Variants in IGF2BP3 observed in about 807,000 individuals in gnomAD.
IGF2BP3 encodes the protein insulin like growth factor 2 mRNA binding protein 3.
Under a neutral mutation model 73.8 loss-of-function variants are expected in IGF2BP3, and 9 were observed. The ratio of observed to expected loss-of-function variants is 0.12; its 90% CI spans 0.07 to 0.21. IGF2BP3 has a LOEUF of 0.21. Ranked by LOEUF, IGF2BP3 falls within the 10% of genes least tolerant of loss-of-function variation. The probability of loss-of-function intolerance (pLI) is 1.00; values close to 1 mark genes in which losing one functional copy is unlikely to be tolerated. For synonymous variants in IGF2BP3, 258 were observed against 256.7 expected (o/e 1.01, Z -0.05); for missense variants, 542 against 714.0 (o/e 0.76, Z 2.75).
intron 2 of IGF2BP3, among the ~76,000 whole-genome samples, chr7:23,450,444 A>C (rs1464381065): frequency 6.6e-6 from 1 of 152,234 alleles, no homozygotes; most frequent in Admixed American, 6.5e-5. Flanking sequence ...ATCTGTTGCC[A>C]AATGACTAAA....
intron 2 of IGF2BP3, among the ~76,000 whole-genome samples, chr7:23,437,281 A>G (rs1787828382): frequency 6.6e-6 from 1 of 152,074 alleles, no homozygotes; most frequent in African/African-American, 2.4e-5. Flanking sequence ...CAGCAGTTCA[A>G]GACCAGTCTG....
In IGF2BP3 at chr7:23,364,448, C is replaced by G. The variant is rs574859518; in HGVS notation, c.286-2707G>C. 1.5e-4 allele frequency among the ~76,000 whole-genome samples: 23 copies of G among 148,756 alleles called. No individual in the cohort carries two copies. The East Asian group carries it at 2.0e-3, about 13-fold the overall frequency. ...CTGTAATACCAGCTACTTGGGAGGC[C>G]GAGGCAAGAGAATTACTTGAACCTG... On this transcript the variant is annotated intron_variant, in intron 3 of 14. Coordinates refer to ENST00000258729, the MANE Select transcript of IGF2BP3 (RefSeq NM_006547.3).
intron 3 of IGF2BP3, among the ~76,000 whole-genome samples, chr7:23,385,782 A>G (rs1786064452): frequency 6.6e-6 from 1 of 152,008 alleles, no homozygotes; most frequent in Non-Finnish European, 1.5e-5. Context: ...CATTGCCCAA[A>G]GCTGGTCTCA....
intron 2 of IGF2BP3, among the ~76,000 whole-genome samples, chr7:23,459,461 C>T (rs1584068070): frequency 6.6e-6 from 1 of 152,188 alleles, no homozygotes; most frequent in Non-Finnish European, 1.5e-5. Context: ...AAACCTGGCT[C>T]ATGATATCCA....
At chr7:23,392,026 G>T (rs977446725) in intron 3 of IGF2BP3, among the ~76,000 whole-genome samples, 4 of 152,142 alleles carry the variant, frequency 2.6e-5, no homozygotes, top group South Asian at 2.1e-4. Context: ...TGACATAAAA[G>T]ATAATGCACC....
At chr7:23,380,134 C>G (rs1785859720) in intron 3 of IGF2BP3, among the ~76,000 whole-genome samples, 1 of 149,924 alleles carries the variant, frequency 6.7e-6, no homozygotes, top group Non-Finnish European at 1.5e-5. Flanking sequence ...AGGTAAAAAC[C>G]GTGGAGACTG....
At chr7:23,319,303 G>A in intron 10 of IGF2BP3, 49 bp from the exon 11 acceptor site, 1 of 1,273,074 alleles carries the variant, frequency 7.9e-7, no homozygotes, top group Non-Finnish European at 1.1e-6. Context: ...CTACAAATCA[G>A]GCTTTTGTTA....
intron 3 of IGF2BP3, among the ~76,000 whole-genome samples, chr7:23,405,715 T>C (rs1157824847): frequency 6.6e-6 from 1 of 152,216 alleles, no homozygotes; most frequent in Admixed American, 6.5e-5. Flanking sequence ...CAATGCCTGA[T>C]GATCTGAGGT....
chr7:23,351,890 C>G (rs274058), intron 5 of IGF2BP3, among the ~76,000 whole-genome samples: 79,616 of 152,080 alleles, frequency 0.52, 24,148 homozygotes, highest in African/African-American at 0.85. Context: ...TTGTCAAACT[C>G]TTGGTTAAGT....
At chr7:23,432,994 T>C (rs557625218) in intron 2 of IGF2BP3, among the ~76,000 whole-genome samples, 250 of 152,320 alleles carry the variant, frequency 1.6e-3, no homozygotes, top group African/African-American at 5.6e-3. Context: ...ACACACGCAG[T>C]TGAACAGTTA....
chr7:23,429,448 C>T (rs1787611924), intron 2 of IGF2BP3, among the ~76,000 whole-genome samples: 1 of 152,168 alleles, frequency 6.6e-6, no homozygotes. Flanking sequence ...TGTATTTGAG[C>T]ATTCTGGCCA....
intron 5 of IGF2BP3, among the ~76,000 whole-genome samples, chr7:23,356,862 G>T (rs1457473881): frequency 6.6e-6 from 1 of 151,702 alleles, no homozygotes; most frequent in Non-Finnish European, 1.5e-5. Context: ...AAACAAAACG[G>T]TATGGGCAAA....
Position 23,345,878 on chromosome 7 carries a change from T to TA in IGF2BP3, c.941+61dup, listed in dbSNP as rs972663479. On this transcript the variant is annotated intron_variant, in intron 8 of 14. Coordinates refer to ENST00000258729, the MANE Select transcript of IGF2BP3 (RefSeq NM_006547.3). The stretch of plus-strand genomic sequence containing the variant: ...CTGTAAAGTGGGAAGCTAAGCCCAA[T>TA]ACACAACATGCAGCTTACAGTGTTG... 3.2e-6 allele frequency: 5 copies of TA among 1,574,758 alleles called. No individual in the cohort carries two copies. The Admixed American group carries it at 8.9e-5, about 28-fold the overall frequency.
chr7:23,444,654 A>T (rs1189724283), intron 2 of IGF2BP3, among the ~76,000 whole-genome samples: 2 of 129,618 alleles, frequency 1.5e-5, no homozygotes, highest in Non-Finnish European at 3.5e-5. Flanking sequence ...GAGGCACGAG[A>T]ATCGCTTGAA....
At chr7:23,315,116 T>A (rs1209375729) in intron 12 of IGF2BP3, among the ~76,000 whole-genome samples, 4 of 151,478 alleles carry the variant, frequency 2.6e-5, no homozygotes, top group Non-Finnish European at 4.4e-5. Flanking sequence ...CTTTTATTTT[T>A]TTTTATTTTT....
At chr7:23,380,206 C>G (rs1384126726) in intron 3 of IGF2BP3, among the ~76,000 whole-genome samples, 3 of 136,282 alleles carry the variant, frequency 2.2e-5, no homozygotes, top group Admixed American at 1.6e-4. Flanking sequence ...CTCTGTTGCC[C>G]AGGCTGGAGA....
chr7:23,419,515 A>C (rs1277804714), intron 2 of IGF2BP3, among the ~76,000 whole-genome samples: 1 of 152,224 alleles, frequency 6.6e-6, no homozygotes, highest in Non-Finnish European at 1.5e-5. Context: ...TACATTTTAA[A>C]ATAATTGGTT....
At chr7:23,319,369 A>G in intron 10 of IGF2BP3, 115 bp from the exon 11 acceptor site, 1 of 674,680 alleles carries the variant, frequency 1.5e-6, no homozygotes, top group Admixed American at 2.5e-5. Flanking sequence ...GGAAAGTTTA[A>G]GGAAAAGCTA....
chr7:23,391,190 C>T (rs188211022), intron 3 of IGF2BP3, among the ~76,000 whole-genome samples: 2 of 151,714 alleles, frequency 1.3e-5, no homozygotes, highest in South Asian at 4.2e-4. Context: ...ACCTCCACCC[C>T]CTGGGTTCAA....
Sources: gnomAD v4.1 joint callset for allele counts (sites outside exome capture counted in the v4.1 genomes callset) on GRCh38, gnomAD v4.1.1 for gene constraint, MANE v1.5 for transcripts, NCBI Gene and HGNC (gene_info 2026-07-23, HGNC 2026-07-21) for gene names.